The following CEP63 variants were observed in gnomAD, a reference collection of about 807,000 sequenced individuals.
CEP63 encodes centrosomal protein 63, also known as centrosomal protein of 63 kDa.
CEP63 carries 84 observed loss-of-function variants against 89.1 expected under a neutral mutation model. That is an observed-to-expected ratio of 0.94 (90% confidence interval 0.79 to 1.13). CEP63 has a LOEUF of 1.13. Among genes scored for constraint, CEP63 ranks in the 50% most tolerant of loss-of-function variants. CEP63 has a pLI of 0.00. For synonymous variants in CEP63, 267 were observed against 272.5 expected, an observed-to-expected ratio of 0.98 and a Z score of 0.20; for missense variants, 838 against 813.3, an observed-to-expected ratio of 1.03 and a Z score of -0.37.
the CEP63 span, among the ~76,000 whole-genome samples, chr3:134,632,510 G>A: frequency 6.6e-6 from 1 of 151,908 alleles, no homozygotes; most frequent in Non-Finnish European, 1.5e-5. Flanking sequence ...ATCACACATA[G>A]ATCAAAGAAG....
chr3:134,755,248 AG>A, the CEP63 span, among the ~76,000 whole-genome samples: 2 of 151,780 alleles, frequency 1.3e-5, no homozygotes, highest in Non-Finnish European at 2.9e-5. Context: ...CTGAGCCCTG[AG>A]CCCTGAGCCC....
chr3:134,547,629 T>TTTTTTTTTTTTTTTTTTTA (rs1953800413), intron 9 of CEP63, among the ~76,000 whole-genome samples, 157 bp downstream of exon 9: 1 of 127,100 alleles, frequency 7.9e-6, no homozygotes, highest in African/African-American at 3.0e-5. Context: ...TTTTTTTTTT[T>TTTTTTTTTTTTTTTTTTTA]GAGACGGAGT....
At position 134,550,262 on chromosome 3, in the gene CEP63, T is replaced by G; in HGVS notation, c.1380+2T>G. 2 of 1,613,726 alleles carry G rather than the reference T, an allele frequency of 1.2e-6. No homozygotes were observed. Among genetic ancestry groups the G allele is most frequent in the Non-Finnish European group, 1.7e-6 (2 of 1,179,758 alleles). ...GAAGACAAAGCAGTAGAGCATAAGG[T>G]GAAGCCTGAACAAAACCTTTTTTAA... On this transcript the variant is annotated splice_donor_variant, in intron 11 of 14. Transcript: ENST00000675561. LOFTEE classifies it high-confidence loss of function.
chr3:134,755,899 G>T, the CEP63 span, among the ~76,000 whole-genome samples: 32 of 152,230 alleles, frequency 2.1e-4, no homozygotes, highest in Admixed American at 2.0e-3. Flanking sequence ...GCCCCTGAGG[G>T]ATGGTGTCAG....
chr3:134,716,997 C>A, the CEP63 span, among the ~76,000 whole-genome samples: 1 of 152,142 alleles, frequency 6.6e-6, no homozygotes, highest in African/African-American at 2.4e-5. Flanking sequence ...CAAATCTGTG[C>A]CAGGTGTCAT....
chr3:134,670,525 G>A, the CEP63 span, among the ~76,000 whole-genome samples: 2 of 152,214 alleles, frequency 1.3e-5, no homozygotes, highest in Non-Finnish European at 2.9e-5. Context: ...TGGAACAAGA[G>A]ATGATGCTGT....
chr3:134,603,472 A>G, the CEP63 span: 1 of 998,948 alleles, frequency 1.0e-6, no homozygotes, highest in Admixed American at 2.5e-5. Context: ...CCTAGAAGGG[A>G]TTTCATGCAG....
At chr3:134,756,077 T>C in the CEP63 span, among the ~76,000 whole-genome samples, 1 of 152,226 alleles carries the variant, frequency 6.6e-6, no homozygotes, top group Admixed American at 6.5e-5. Context: ...GAGCCCTTTG[T>C]GCTGGGAACT....
At chr3:134,768,233 G>T in the CEP63 span, among the ~76,000 whole-genome samples, 5 of 152,126 alleles carry the variant, frequency 3.3e-5, no homozygotes, top group South Asian at 1.0e-3. Flanking sequence ...CAGATTCCTC[G>T]AGTGGCTGTG....
chr3:134,764,774 T>C, the CEP63 span, among the ~76,000 whole-genome samples: 1 of 152,222 alleles, frequency 6.6e-6, no homozygotes, highest in African/African-American at 2.4e-5. Context: ...TCTTCATCCT[T>C]GGAGCTCTGT....
rs939001001 is a variant in CEP63 at position 134,564,616 on chromosome 3, A to C, written c.*3081A>C. On this transcript the variant is annotated 3_prime_UTR_variant, in exon 15 of 15. Coordinates refer to ENST00000675561, the MANE Select transcript of CEP63 (RefSeq NM_001353108.3). ...CATTCAAGGCTTCATTGTATTTATC[A>C]GTAAAACTGAAATAATATCTAATGG... The C allele has an allele frequency of 3.0e-6, 3 of 985,360 alleles. No individual in the cohort carries two copies. The highest frequency in any genetic ancestry group is 1.7e-5 in the African/African-American group (1 of 57,256). The allele number at this position is 985,360 out of a possible 1,614,324, so 61.0% of individuals were successfully genotyped here. A position where few individuals can be genotyped will look rare whatever the true frequency, so the allele number is the denominator to read the frequency against.
chr3:134,610,098 C>T, the CEP63 span: 1 of 1,353,724 alleles, frequency 7.4e-7, no homozygotes. Flanking sequence ...TCTCCTTCCC[C>T]TCCCGCTTGG....
chr3:134,773,037 C>A, the CEP63 span, among the ~76,000 whole-genome samples: 3 of 152,180 alleles, frequency 2.0e-5, no homozygotes, highest in Non-Finnish European at 2.9e-5. Context: ...CTGTCACAGG[C>A]CCCCTGATCT....
the CEP63 span, chr3:134,650,852 G>C: frequency 6.2e-7 from 1 of 1,607,902 alleles, no homozygotes; most frequent in Non-Finnish European, 8.5e-7. Context: ...AGCGAGCTCG[G>C]GTTCGCCTGC....
chr3:134,634,619 C>T, the CEP63 span, among the ~76,000 whole-genome samples: 5 of 152,202 alleles, frequency 3.3e-5, no homozygotes, highest in African/African-American at 1.2e-4. Flanking sequence ...GACATCACAT[C>T]TATTAGAAGA....
At chr3:134,696,665 G>A in the CEP63 span, among the ~76,000 whole-genome samples, 3 of 152,096 alleles carry the variant, frequency 2.0e-5, no homozygotes, top group Non-Finnish European at 4.4e-5. Context: ...CACCTTTAAG[G>A]GTGTTTCCAT....
intron 3 of CEP63, among the ~76,000 whole-genome samples, chr3:134,531,124 T>C (rs1949769644): frequency 6.6e-6 from 1 of 152,248 alleles, no homozygotes; most frequent in Non-Finnish European, 1.5e-5. Context: ...TCCTTTTGTT[T>C]TCCTGTCTGA....
chr3:134,643,196 G>T, the CEP63 span: 1 of 856,182 alleles, frequency 1.2e-6, no homozygotes, highest in South Asian at 1.6e-5. Flanking sequence ...ACACCCATGG[G>T]AGCAGAGAGG....
chr3:134,724,472 C>A, the CEP63 span, among the ~76,000 whole-genome samples: 2 of 152,188 alleles, frequency 1.3e-5, no homozygotes, highest in Non-Finnish European at 2.9e-5. Flanking sequence ...TCTCACTGCC[C>A]ACTCTGCAAA....
Sources: allele counts gnomAD v4.1 joint callset (sites outside exome capture counted in the v4.1 genomes callset), GRCh38; gene constraint gnomAD v4.1.1; transcripts MANE v1.5; gene names NCBI Gene and HGNC (gene_info 2026-07-23, HGNC 2026-07-21).